Variants in CLEC12A observed in about 807,000 individuals in gnomAD.
CLEC12A encodes C-type lectin protein CLL-1.
Under a neutral mutation model 26.5 loss-of-function variants are expected in CLEC12A, and 22 were observed. The observed-to-expected ratio is 0.83, with a 90% CI of 0.59 to 1.19. The LOEUF (loss-of-function observed/expected upper bound fraction) is 1.19. Among genes scored for constraint, CLEC12A ranks in the 50% most tolerant of loss-of-function variants. The pLI is 0.00. For missense variants in CLEC12A, 353 were observed against 315.6 expected, an observed-to-expected ratio of 1.12 and a Z score of -0.90; for synonymous variants, 119 against 101.9, an observed-to-expected ratio of 1.17 and a Z score of -1.01.
At chr12:10,005,981 AAGAAC>A in the CLEC12A span, among the ~76,000 whole-genome samples, 1 of 152,206 alleles carries the variant, frequency 6.6e-6, no homozygotes, top group African/African-American at 2.4e-5. Context: ...TGAGAACAGA[AAGAAC>A]AGAGTGAGAA....
intron 1 of CLEC12A, among the ~76,000 whole-genome samples, chr12:9,959,452 C>CAAA (rs57106602): frequency 7.8e-5 from 11 of 140,758 alleles, no homozygotes; most frequent in East Asian, 2.0e-4. Flanking sequence ...AACTCTGTCT[C>CAAA]AAAAAAAAAA....
rs777617228 is a variant in CLEC12A, at chr12:9,982,123, C to T, written c.635C>T (p.Ser212Phe). The part of the protein sequence containing the change: ...GMRVDNIINS[S>F]AWVIRNAPDL... ...AGAGTGGATAATATAATCAACTCCT[C>T]TGCCTGGTAAGTGTCTATTCTTGTT... The change falls in exon 5 of 6, where the codon TCT becomes TTT. Residue 212 changes from serine to phenylalanine, a missense_variant. Physicochemically the swap from Ser to Phe is radical, Grantham distance 155. Transcript: ENST00000304361. 13 of 1,527,404 alleles carry T rather than the reference C, an allele frequency of 8.5e-6. No individual in the cohort carries two copies. Among genetic ancestry groups the T allele is most frequent in the Middle Eastern group, 1.7e-4 (1 of 5,924 alleles). The allele number at this position is 1,527,404 out of a possible 1,614,324, so 94.6% of individuals were successfully genotyped here.
chr12:9,995,330 G>A (rs1360433217), exon 5 of CLEC12A: 5 of 1,152,388 alleles, frequency 4.3e-6, no homozygotes, highest in Non-Finnish European at 6.5e-6. Flanking sequence ...ATAAGACGTT[G>A]GACAAAAAAT....
At chr12:9,986,415 C>G (rs1470436255), downstream of CLEC12A, among the ~76,000 whole-genome samples, 1 of 17,158 alleles carries the variant, frequency 5.8e-5, no homozygotes, top group Admixed American at 5.4e-4. Context: ...ATTCCTTTAT[C>G]CCCCCCCCCC....
At chr12:9,952,283 C>T (rs946355192) in intron 1 of CLEC12A, among the ~76,000 whole-genome samples, 10 of 150,334 alleles carry the variant, frequency 6.7e-5, no homozygotes, top group Non-Finnish European at 1.2e-4. Flanking sequence ...TGCAACCTCC[C>T]TGCCTGATTC....
downstream of CLEC12A, chr12:9,997,312 A>C (rs1185849390): frequency 6.3e-6 from 10 of 1,575,176 alleles, no homozygotes; most frequent in Middle Eastern, 8.5e-4. Context: ...AATAATTTGT[A>C]ATTAGAACCA....
Position 9,979,433 on chromosome 12 carries a change from C to A in CLEC12A, c.288C>A (p.Asn96Lys). The change falls in exon 3 of 6, where the codon AAC becomes AAA. Residue 96 changes from asparagine (N) to lysine (K), a missense_variant. Physicochemically the swap from Asn to Lys is moderately conservative, Grantham distance 94. Coordinates refer to ENST00000304361, the MANE Select transcript of CLEC12A (RefSeq NM_138337.6). ...QRNISLQLMS[N>K]MNISNKIRNL... ...ATATTTCTCTACAACTGATGAGTAACATGAATATCTCCAACAAGATCAGGA... is the reference window on the plus strand; with the variant it reads ...ATATTTCTCTACAACTGATGAGTAAAATGAATATCTCCAACAAGATCAGGA... The A allele has an allele frequency of 6.2e-7, 1 of 1,612,572 alleles. No individual in the cohort carries two copies. The highest frequency in any genetic ancestry group is 1.1e-5 in the South Asian group (1 of 91,024).
rs544605 is a variant in CLEC12A, at chr12:9,994,108, T to A, written n.1005-910T>A. Among the ~76,000 whole-genome samples, 3 of 151,788 alleles carry A rather than the reference T, an allele frequency of 2.0e-5. No individual in the cohort carries two copies. The South Asian group carries it at 6.2e-4, about 31-fold the overall frequency. On this transcript the variant is annotated intron_variant and non_coding_transcript_variant, in intron 4 of 4. Transcript: ENST00000449959. Reference sequence around the variant, plus strand: ...TTAAGGGAGGCTAATTTAGTTTGGGTAGAGTTAGGTTCACTGAAGAAGTGA... The same window carrying A: ...TTAAGGGAGGCTAATTTAGTTTGGGAAGAGTTAGGTTCACTGAAGAAGTGA...
At chr12:9,992,580 G>C (rs1864917670) in intron 4 of CLEC12A, 1 of 152,134 alleles carries the variant, frequency 6.6e-6, no homozygotes, top group Non-Finnish European at 1.5e-5. Flanking sequence ...TTAGGTTGTA[G>C]AACTGTGAGA....
chr12:9,979,158 A>T (rs944022247), intron 2 of CLEC12A, 94 bp downstream of exon 2: 19 of 1,125,834 alleles, frequency 1.7e-5, no homozygotes, highest in South Asian at 1.0e-4. Context: ...GATTTATAAT[A>T]ATGATAGGTG....
downstream of CLEC12A, among the ~76,000 whole-genome samples, chr12:9,989,778 T>C (rs1461308649): frequency 6.6e-6 from 1 of 152,186 alleles, no homozygotes; most frequent in African/African-American, 2.4e-5. Flanking sequence ...TTTTTATACC[T>C]AGAGAGGAAA....
At chr12:9,980,448 A>AG (rs55790035) in intron 3 of CLEC12A, 134 bp from the exon 4 acceptor site, 56,311 of 835,094 alleles carry the variant, frequency 0.067, 998 homozygotes, top group East Asian at 0.13. Context: ...AAAAAAAAAA[A>AG]GGGGGAAAGA....
chr12:9,983,276 T>C (rs895500823), intron 5 of CLEC12A, among the ~76,000 whole-genome samples: 1 of 152,114 alleles, frequency 6.6e-6, no homozygotes, highest in Non-Finnish European at 1.5e-5. Context: ...CATTTTTGAA[T>C]GAAAAATTTA....
Position 9,971,478 on chromosome 12 carries a change from A to C in CLEC12A, c.-119A>C. On this transcript the variant is annotated 5_prime_UTR_variant, in exon 1 of 6. Transcript: ENST00000304361. ...AACAGAAGTTTAAACTTGTAAGCTT[A>C]AGCTTCCGTTTATAAACAGAAGTTT... is the stretch of plus-strand genomic sequence containing the variant. 7.0e-7 allele frequency: 1 copy of C among 1,424,580 alleles called. No individual in the cohort carries two copies. The highest frequency in any genetic ancestry group is 9.2e-7 in the Non-Finnish European group (1 of 1,091,482). The allele number at this position is 1,424,580 out of a possible 1,614,324, so 88.2% of individuals were successfully genotyped here.
Position 9,985,354 on chromosome 12 carries a change from G to A in CLEC12A, c.*328G>A, listed in dbSNP as rs1053193503. Reference sequence around the variant, plus strand: ...CCCTTCTGGCCAAGATTTGCCAGAGGCAACATCAAAAACCAGCAAATTTTA... The same window carrying A: ...CCCTTCTGGCCAAGATTTGCCAGAGACAACATCAAAAACCAGCAAATTTTA... On this transcript the variant is annotated 3_prime_UTR_variant, in exon 6 of 6. Coordinates refer to ENST00000304361, the MANE Select transcript of CLEC12A (RefSeq NM_138337.6). 5.0e-6 allele frequency: 2 copies of A among 398,584 alleles called. No individual in the cohort carries two copies. The highest frequency in any genetic ancestry group is 2.1e-5 in the African/African-American group (1 of 48,592). 24.7% of individuals were successfully genotyped at this position (398,584 alleles called of 1,614,324 possible). A position where few individuals can be genotyped will look rare whatever the true frequency, so the allele number is the denominator to read the frequency against.
intron 4 of CLEC12A, among the ~76,000 whole-genome samples, chr12:9,994,180 T>C (rs1183386095): frequency 6.6e-6 from 1 of 152,038 alleles, no homozygotes; most frequent in Admixed American, 6.6e-5. Context: ...GTCATGGAGT[T>C]GTGGAGGCAG....
At chr12:10,001,618 T>G in the CLEC12A span, among the ~76,000 whole-genome samples, 3 of 152,146 alleles carry the variant, frequency 2.0e-5, no homozygotes, top group East Asian at 5.8e-4. Context: ...GAGTTCTAAT[T>G]TTGCTCCCTC....
intron 1 of CLEC12A, chr12:9,951,378 C>G (rs763300840): frequency 4.4e-5 from 31 of 702,822 alleles, no homozygotes; most frequent in South Asian, 4.3e-4. Context: ...TTGTGGATAC[C>G]GACAGTGGGA....
Position 9,982,103 on chromosome 12 carries a change from G to A in CLEC12A, c.615G>A (p.Val205=). The A allele has an allele frequency of 6.3e-7, 1 of 1,580,492 alleles. No individual in the cohort carries two copies. The highest frequency in any genetic ancestry group is 8.7e-7 in the Non-Finnish European group (1 of 1,150,456). ...AAGATTCCACTCGTGGTATGAGAGT[G>A]GATAATATAATCAACTCCTCTGCCT... is the stretch of plus-strand genomic sequence containing the variant. The part of the protein sequence containing the change: ...PEEDSTRGMR[V]DNIINSSAWV... Residue 205 remains valine, a synonymous_variant, in exon 5 of 6, where the codon GTG becomes GTA. Coordinates refer to ENST00000304361, the MANE Select transcript of CLEC12A (RefSeq NM_138337.6).
Sources: allele counts gnomAD v4.1 joint callset (sites outside exome capture counted in the v4.1 genomes callset), GRCh38; gene constraint gnomAD v4.1.1; transcripts MANE v1.5; gene names NCBI Gene and HGNC (gene_info 2026-07-23, HGNC 2026-07-21).